Variants in CATSPERT observed in about 807,000 individuals in gnomAD.
CATSPERT encodes the protein catsper channel auxiliary subunit tau.
At chr2:201,550,627 A>G in the CATSPERT span, 1 of 152,300 alleles carries the variant, frequency 6.6e-6, no homozygotes, top group East Asian at 1.9e-4. Flanking sequence ...TTGCCTAATT[A>G]GTAATCGACT....
At chr2:201,599,819 A>G in the CATSPERT span, among the ~76,000 whole-genome samples, 6 of 152,230 alleles carry the variant, frequency 3.9e-5, no homozygotes, top group Non-Finnish European at 5.9e-5. Flanking sequence ...TCAAGTATTA[A>G]TGTTTCAAAT....
At chr2:201,503,996 A>G in the CATSPERT span, among the ~76,000 whole-genome samples, 529 of 152,308 alleles carry the variant, frequency 3.5e-3, no homozygotes, top group African/African-American at 0.012. Context: ...ATATGGAATT[A>G]TTGGAAGTCC....
the CATSPERT span, among the ~76,000 whole-genome samples, chr2:201,501,575 G>A: frequency 1.3e-4 from 19 of 151,740 alleles, no homozygotes; most frequent in Non-Finnish European, 2.7e-4. Context: ...ATAGAGAATA[G>A]AAACACGATA....
the CATSPERT span, among the ~76,000 whole-genome samples, chr2:201,505,562 G>A: frequency 6.6e-6 from 1 of 152,106 alleles, no homozygotes; most frequent in African/African-American, 2.4e-5. Flanking sequence ...AACACAGATT[G>A]GGGACATTCT....
the CATSPERT span, chr2:201,487,847 T>G: frequency 1.9e-6 from 3 of 1,614,058 alleles, no homozygotes; most frequent in South Asian, 3.3e-5. Context: ...TTTTACTTTT[T>G]TAAGGTGTGT....
At chr2:201,613,950 A>T in the CATSPERT span, among the ~76,000 whole-genome samples, 1 of 152,220 alleles carries the variant, frequency 6.6e-6, no homozygotes, top group Non-Finnish European at 1.5e-5. Flanking sequence ...AGTGGAAGAA[A>T]GGGTATCAGT....
the CATSPERT span, among the ~76,000 whole-genome samples, chr2:201,515,201 A>C: frequency 5.7e-5 from 4 of 70,214 alleles, no homozygotes; most frequent in Admixed American, 2.1e-4. Context: ...ATCTGCCCAT[A>C]GTTTTTTTTT....
At chr2:201,506,522 C>G in the CATSPERT span, among the ~76,000 whole-genome samples, 5 of 152,118 alleles carry the variant, frequency 3.3e-5, no homozygotes, top group Non-Finnish European at 5.9e-5. Context: ...CCACAGGGGT[C>G]AGCATTTGAT....
At chr2:201,539,511 GTTTTTTTT>G in the CATSPERT span, among the ~76,000 whole-genome samples, 2 of 89,760 alleles carry the variant, frequency 2.2e-5, no homozygotes, top group East Asian at 7.4e-4. Flanking sequence ...TTTTAACGAG[GTTTTTTTT>G]TTTTTTTTTT....
the CATSPERT span, among the ~76,000 whole-genome samples, chr2:201,505,158 G>A: frequency 6.6e-6 from 1 of 152,038 alleles, no homozygotes; most frequent in East Asian, 1.9e-4. Context: ...GGAGTGCAGT[G>A]GCACAATCTC....
the CATSPERT span, among the ~76,000 whole-genome samples, chr2:201,617,823 A>G: frequency 6.6e-6 from 1 of 152,242 alleles, no homozygotes; most frequent in Non-Finnish European, 1.5e-5. Context: ...ACAAAGGGCT[A>G]ATATCCAGAA....
At chr2:201,566,015 A>G in the CATSPERT span, 1 of 652,192 alleles carries the variant, frequency 1.5e-6, no homozygotes, top group Non-Finnish European at 2.3e-6. Context: ...TAGAGCTAGG[A>G]AAAAAGCCAA....
the CATSPERT span, among the ~76,000 whole-genome samples, chr2:201,607,773 A>G: frequency 2.0e-5 from 3 of 152,248 alleles, no homozygotes; most frequent in African/African-American, 7.2e-5. Context: ...ATACGTTGCA[A>G]TCCTCACTCC....
At chr2:201,602,497 A>C in the CATSPERT span, among the ~76,000 whole-genome samples, 1 of 152,188 alleles carries the variant, frequency 6.6e-6, no homozygotes, top group Non-Finnish European at 1.5e-5. Flanking sequence ...ATCTAAAAAT[A>C]AGCACTCAGC....
chr2:201,516,490 C>T, the CATSPERT span, among the ~76,000 whole-genome samples: 16 of 152,014 alleles, frequency 1.1e-4, no homozygotes, highest in Non-Finnish European at 2.1e-4. Flanking sequence ...GAGAACAGCA[C>T]GGGGGAAATC....
the CATSPERT span, among the ~76,000 whole-genome samples, chr2:201,531,099 T>C: frequency 6.6e-6 from 1 of 151,498 alleles, no homozygotes; most frequent in African/African-American, 2.4e-5. Flanking sequence ...TAGCTGGGAC[T>C]ACAGGCGCCC....
chr2:201,577,249 C>CAAAAAA, the CATSPERT span, among the ~76,000 whole-genome samples: 1 of 151,062 alleles, frequency 6.6e-6, no homozygotes, highest in Non-Finnish European at 1.5e-5. Context: ...ATTCCAACAT[C>CAAAAAA]AAAAAAAAAT....
chr2:201,548,015 G>A, the CATSPERT span, among the ~76,000 whole-genome samples: 8,363 of 152,048 alleles, frequency 0.055, 279 homozygotes, highest in African/African-American at 0.081. Flanking sequence ...TTGAGCTGCT[G>A]TAACAGAATA....
the CATSPERT span, chr2:201,493,208 G>A: frequency 2.0e-6 from 3 of 1,535,154 alleles, no homozygotes; most frequent in South Asian, 2.4e-5. Flanking sequence ...GTAGAACTGA[G>A]ATCATTTTTG....
Sources: allele counts gnomAD v4.1 joint callset (sites outside exome capture counted in the v4.1 genomes callset), GRCh38; gene constraint gnomAD v4.1.1; transcripts MANE v1.5; gene names NCBI Gene and HGNC (gene_info 2026-07-23, HGNC 2026-07-21).